DROSHA: variants seen among roughly 807,000 people sequenced by gnomAD.
DROSHA encodes the protein ribonuclease 3.
In DROSHA, 56 loss-of-function variants were observed where a neutral mutation model predicts 181.9. The ratio of observed to expected loss-of-function variants is 0.31; its 90% CI spans 0.25 to 0.38. The LOEUF is 0.38. DROSHA is among the 10% of genes least tolerant of loss of function. The pLI is 1.00. For synonymous variants in DROSHA, 524 were observed against 591.2 expected (o/e 0.89, Z 1.65); for missense variants, 1,218 against 1,743.5 (o/e 0.70, Z 5.37).
chr5:31,494,763 C>T (rs990250652), intron 12 of DROSHA, among the ~76,000 whole-genome samples: 2 of 152,088 alleles, frequency 1.3e-5, no homozygotes, highest in East Asian at 1.9e-4. Context: ...TCGGCTCTGC[C>T]TCCTGGGTTC....
intron 30 of DROSHA, among the ~76,000 whole-genome samples, chr5:31,420,607 C>T (rs1349575821): frequency 6.6e-6 from 1 of 152,234 alleles, no homozygotes; most frequent in East Asian, 1.9e-4. Flanking sequence ...TAAGTCCCTA[C>T]TGCCTCTCAG....
In DROSHA at chr5:31,406,846, C is replaced by T. The variant is rs1260175100; in HGVS notation, c.3947+7G>A. ...TCAAAGCAATTCCAGGTATTCTCTT[C>T]TCATACCTTGGTCCTTTCCCACAGC... is the stretch of plus-strand genomic sequence containing the variant. On this transcript the variant is annotated splice_region_variant and intron_variant, in intron 34 of 35. Transcript: ENST00000344624. 6.2e-7 allele frequency: 1 copy of T among 1,612,168 alleles called. No individual in the cohort carries two copies. Among genetic ancestry groups the T allele is most frequent in the African/African-American group, 1.3e-5 (1 of 74,968 alleles).
At chr5:31,438,355 T>C (rs1036311135) in intron 23 of DROSHA, among the ~76,000 whole-genome samples, 1 of 152,162 alleles carries the variant, frequency 6.6e-6, no homozygotes, top group Non-Finnish European at 1.5e-5. Context: ...CTTTCCTGCA[T>C]GGGAGGCTTA....
At chr5:31,457,733 T>C (rs919119868) in intron 20 of DROSHA, among the ~76,000 whole-genome samples, 20 of 151,748 alleles carry the variant, frequency 1.3e-4, no homozygotes, top group Non-Finnish European at 2.4e-4. Context: ...CTACAAAAAA[T>C]TGAAAAATTA....
At position 31,498,788 on chromosome 5, in the gene DROSHA, T is replaced by C. The variant is rs529569355; in HGVS notation, c.1669-3416A>G. ...AGGAGAATCACTTGAACCCGGGAGG[T>C]GGAGATTGCGGTGAGCCGAAATCAC... On this transcript the variant is annotated intron_variant, in intron 11 of 35. Transcript: ENST00000344624. Among the ~76,000 whole-genome samples the C allele has an allele frequency of 1.8e-3, 269 of 150,214 alleles. 1 individual carries two copies. Among genetic ancestry groups the C allele is most frequent in the African/African-American group, 6.0e-3 (243 of 40,760 alleles).
At chr5:31,463,984 T>C (rs1748730511) in intron 20 of DROSHA, 1 of 455,880 alleles carries the variant, frequency 2.2e-6, no homozygotes, top group East Asian at 3.8e-5. Flanking sequence ...GAGAAGACAC[T>C]GAACTGAACA....
intron 11 of DROSHA, among the ~76,000 whole-genome samples, chr5:31,498,929 G>A (rs1753298584): frequency 6.6e-6 from 1 of 152,084 alleles, no homozygotes; most frequent in Admixed American, 6.5e-5. Flanking sequence ...CAGTTGTGAT[G>A]GCATCATTGG....
At chr5:31,406,122 G>A (rs2149984697) in intron 34 of DROSHA, among the ~76,000 whole-genome samples, 1 of 152,238 alleles carries the variant, frequency 6.6e-6, no homozygotes, top group East Asian at 1.9e-4. Context: ...ATACAGACTG[G>A]AGAGTTCAAA....
chr5:31,473,717 C>T (rs75466289), intron 16 of DROSHA, among the ~76,000 whole-genome samples: 6,069 of 152,212 alleles, frequency 0.04, 176 homozygotes, highest in East Asian at 0.13. Flanking sequence ...AGAGGTTTCA[C>T]GTAGGCAAAA....
In DROSHA at chr5:31,501,958, C is replaced by G. The variant is rs1015604050; in HGVS notation, c.1668+2597G>C. Among the ~76,000 whole-genome samples the G allele has an allele frequency of 2.6e-5, 4 of 152,156 alleles. No individual in the cohort carries two copies. In the East Asian group the frequency reaches 7.7e-4, roughly 29 times the overall value. ...CACCGCAGTGGATGTGAGATAAACC[C>G]TACAAAGATTCAGGGGCCTGCCGCA... On this transcript the variant is annotated intron_variant, in intron 11 of 35. Coordinates refer to ENST00000344624, the MANE Select transcript of DROSHA (RefSeq NM_001382508.1).
intron 27 of DROSHA, among the ~76,000 whole-genome samples, chr5:31,428,497 G>C (rs1030133755): frequency 1.3e-5 from 2 of 151,978 alleles, no homozygotes; most frequent in Admixed American, 6.6e-5. Flanking sequence ...CAAAAATGGG[G>C]GACACAGAGC....
At chr5:31,471,923 T>C (rs1362527071) in intron 17 of DROSHA, 140 bp downstream of exon 17, 1 of 749,996 alleles carries the variant, frequency 1.3e-6, no homozygotes, top group African/African-American at 1.8e-5. Context: ...ATTTACTAAA[T>C]ATTTAAAGGA....
chr5:31,515,210 T>C lies in DROSHA; in HGVS notation c.1068A>G (p.Pro356=). The change falls in exon 8 of 36, where the codon CCA becomes CCG. Residue 356 remains proline, a synonymous_variant. Transcript: ENST00000344624. Reference sequence around the variant, plus strand: ...AACGAGCTCTCTTCTTCTCCCTACTTGGGGAGCGACTTCAAAAGAGGGCAA... The same window carrying C: ...AACGAGCTCTCTTCTTCTCCCTACTCGGGGAGCGACTTCAAAAGAGGGCAA... The part of the protein sequence containing the change: ...PPLEIVNHRS[P]SREKKRARWE... The C allele has an allele frequency of 2.5e-6, 4 of 1,609,738 alleles. No individual in the cohort carries two copies. The highest frequency in any genetic ancestry group is 3.4e-6 in the Non-Finnish European group (4 of 1,179,034).
intron 9 of DROSHA, among the ~76,000 whole-genome samples, chr5:31,509,967 A>G (rs1044937973): frequency 2.6e-5 from 4 of 151,664 alleles, no homozygotes; most frequent in African/African-American, 9.7e-5. Context: ...GTTGCAAACA[A>G]GGTCATGTTG....
At chr5:31,460,809 T>C (rs532477665) in intron 20 of DROSHA, among the ~76,000 whole-genome samples, 39 of 152,344 alleles carry the variant, frequency 2.6e-4, no homozygotes, top group African/African-American at 8.4e-4. Flanking sequence ...CATTATGATA[T>C]GCCACCAGCT....
At chr5:31,439,751 AG>A in intron 23 of DROSHA, among the ~76,000 whole-genome samples, 1 of 152,302 alleles carries the variant, frequency 6.6e-6, no homozygotes, top group East Asian at 1.9e-4. Flanking sequence ...AAATATGAAA[AG>A]AACCTTAATG....
intron 20 of DROSHA, among the ~76,000 whole-genome samples, chr5:31,463,877 C>A (rs540960026): frequency 1.0e-3 from 157 of 152,238 alleles, no homozygotes; most frequent in Admixed American, 1.8e-3. Context: ...GCTTGTATGG[C>A]TGCTGGATTA....
intron 4 of DROSHA, chr5:31,527,417 T>C (rs1740722877): frequency 6.4e-6 from 1 of 155,828 alleles, no homozygotes; most frequent in African/African-American, 2.4e-5. Flanking sequence ...CATAAAGTAC[T>C]TTCCTTGGCC....
intron 13 of DROSHA, among the ~76,000 whole-genome samples, chr5:31,489,641 T>C (rs1022996614): frequency 6.7e-6 from 1 of 149,300 alleles, no homozygotes; most frequent in African/African-American, 2.5e-5. Context: ...GAACATCCTA[T>C]ACTGACTTAT....
Sources: allele counts gnomAD v4.1 joint callset (sites outside exome capture counted in the v4.1 genomes callset), GRCh38; gene constraint gnomAD v4.1.1; transcripts MANE v1.5; gene names NCBI Gene and HGNC (gene_info 2026-07-23, HGNC 2026-07-21).